Variants in SMTN observed in about 807,000 individuals in gnomAD.
SMTN encodes the protein smoothelin.
A neutral mutation model predicts 102.0 loss-of-function variants in SMTN; 58 were observed. The ratio of observed to expected loss-of-function variants is 0.57; its 90% CI spans 0.46 to 0.71. The LOEUF (loss-of-function observed/expected upper bound fraction) is 0.71. Among genes scored for constraint, SMTN ranks in the 30% least tolerant of loss-of-function variants. SMTN has a pLI of 0.00. For missense variants in SMTN, 1,185 were observed against 1,241.7 expected, an observed-to-expected ratio of 0.95 and a Z score of 0.69; for synonymous variants, 478 against 497.9, an observed-to-expected ratio of 0.96 and a Z score of 0.53.
chr22:31,082,698 A>C, intron 1 of SMTN: 1 of 639,794 alleles, frequency 1.6e-6, no homozygotes. Context: ...ACCTGGGGGA[A>C]TGACAGTGGT....
chr22:31,091,448 C>A lies in SMTN; in HGVS notation c.1425C>A (p.Gly475=), dbSNP rs1190623130. The A allele has an allele frequency of 2.6e-6, 4 of 1,530,496 alleles. No homozygotes were observed. In the African/African-American group the frequency reaches 4.1e-5, roughly 16 times the overall value. The allele number at this position is 1,530,496 out of a possible 1,614,324, so 94.8% of individuals were successfully genotyped here. The part of the protein sequence containing the change: ...IKDGRGQAST[G]RVLLPTGNQR... ...ACGGCCGTGGCCAGGCCTCCACAGG[C>A]CGGGTGCTGCTGCCCACAGGCAACC... The change falls in exon 10 of 21, where the codon GGC becomes GGA. Residue 475 remains glycine, a synonymous_variant. Transcript: ENST00000333137.
chr22:31,069,844 C>CTG (rs1353729550), intron 1 of SMTN, among the ~76,000 whole-genome samples: 2 of 152,304 alleles, frequency 1.3e-5, no homozygotes, highest in South Asian at 4.1e-4. Flanking sequence ...CCTATAATTG[C>CTG]TGTGTGAACT....
rs1003605915 is a variant in SMTN at position 31,095,788 on chromosome 22, G to A, written c.1861+179G>A. 2 of 609,344 alleles carry A rather than the reference G, an allele frequency of 3.3e-6. No individual in the cohort carries two copies. Among genetic ancestry groups the A allele is most frequent in the Non-Finnish European group, 5.8e-6 (2 of 346,384 alleles). The allele number at this position is 609,344 out of a possible 1,614,324, so 37.7% of individuals were successfully genotyped here. A position where few individuals can be genotyped will look rare whatever the true frequency, so the allele number is the denominator to read the frequency against. On this transcript the variant is annotated intron_variant, in intron 13 of 20. Coordinates refer to ENST00000333137, the MANE Select transcript of SMTN (RefSeq NM_134269.3). This position sits in a 1 kb window ranked among gnomAD's most constrained non-coding sequence, Gnocchi z 4.1. ...GCTGGATCCAGCTGCTCCTTCCCTA[G>A]CTCCTTCTCTCCCGCTGGTGACCCC...
intron 11 of SMTN, chr22:31,093,901 G>A: frequency 6.8e-7 from 1 of 1,479,454 alleles, no homozygotes; most frequent in Non-Finnish European, 9.0e-7. Context: ...GTTGGTGGGA[G>A]GGGTAGTTTT....
rs2042077423 is a variant in SMTN at position 31,074,318 on chromosome 22, T to C, written c.-385-6132T>C. On this transcript the variant is annotated intron_variant, in intron 1 of 3. Transcript: ENST00000422839. ...CACCTGAGCCCAGACAGGTCAAGGC[T>C]GTAGTGTGCCATGATCGCACCACTG... Among the ~76,000 whole-genome samples, 2 of 151,860 alleles carry C rather than the reference T, an allele frequency of 1.3e-5. 1 individual carries two copies. Among genetic ancestry groups the C allele is most frequent in the South Asian group, 4.2e-4 (2 of 4,818 alleles).
At chr22:31,082,720 G>A in intron 1 of SMTN, 2 of 709,514 alleles carry the variant, frequency 2.8e-6, no homozygotes, top group Admixed American at 2.6e-5. Flanking sequence ...GTGGCAGCAA[G>A]AACTACGGGT....
chr22:31,088,760 G>A lies in SMTN; in HGVS notation c.356G>A (p.Arg119Gln), dbSNP rs367752206. 30 of 1,612,642 alleles carry A rather than the reference G, an allele frequency of 1.9e-5. No homozygotes were observed. The South Asian group carries it at 2.5e-4, about 14-fold the overall frequency. Reference protein sequence around the residue: ...KLIRAAIRRVRAQEIEAATLA... With the variant: ...KLIRAAIRRVQAQEIEAATLA... ...ATCCGAGCTGCCATCCGCCGTGTAC[G>A]GGCTCAGGAGATTGAGGGTATGTGG... Residue 119 changes from arginine to glutamine, a missense_variant, in exon 5 of 21, where the codon CGG (arginine) becomes CAG (glutamine). Physicochemically the swap from Arg to Gln is conservative, Grantham distance 43. Around this residue, in one of 2 missense-constraint regions of SMTN, gnomAD observed 1,096 missense variants for 1,112.7 expected, o/e 0.98. Transcript: ENST00000333137.
chr22:31,077,752 GC>G (rs1250783313), upstream of SMTN, among the ~76,000 whole-genome samples: 3 of 152,320 alleles, frequency 2.0e-5, no homozygotes, highest in East Asian at 5.8e-4. Context: ...GGCATCTGAG[GC>G]CCCTTCTCCT....
chr22:31,089,831 C>A lies in SMTN; in HGVS notation c.604C>A (p.Pro202Thr), dbSNP rs774050708. 2 of 1,613,696 alleles carry A rather than the reference C, an allele frequency of 1.2e-6. No individual in the cohort carries two copies. The highest frequency in any genetic ancestry group is 1.3e-5 in the African/African-American group (1 of 74,896). Residue 202 changes from proline to threonine, a missense_variant, in exon 7 of 21, where the codon CCT (proline) becomes ACT (threonine). Coordinates refer to ENST00000333137, the MANE Select transcript of SMTN (RefSeq NM_134269.3). ...RAPPGSTSSS[P>T]ASPSSSPTPA... is the part of the protein sequence containing the mutation. Reference sequence around the variant, plus strand: ...CCCACCTGGGAGCACATCCAGCTCACCTGCCTCACCCAGCAGTTCACCCAC... The same window carrying A: ...CCCACCTGGGAGCACATCCAGCTCAACTGCCTCACCCAGCAGTTCACCCAC...
intron 2 of SMTN, chr22:31,085,212 CT>C (rs1191373375): frequency 6.5e-7 from 1 of 1,535,130 alleles, no homozygotes; most frequent in Non-Finnish European, 8.7e-7. Context: ...GGTTTCTTCC[CT>C]TTAGATCCGG....
chr22:31,093,174 A>G (rs1376830094), intron 11 of SMTN, among the ~76,000 whole-genome samples: 11 of 152,348 alleles, frequency 7.2e-5, no homozygotes, highest in Middle Eastern at 3.4e-3. Flanking sequence ...CTGCAGGCCT[A>G]TGATTTCTGT....
intron 2 of SMTN, chr22:31,085,019 CG>C (rs1268153805): frequency 2.0e-6 from 3 of 1,497,556 alleles, no homozygotes; most frequent in Non-Finnish European, 2.7e-6. Context: ...TTTGGGGACG[CG>C]GGCAGTCGCT....
At position 31,099,748 on chromosome 22, in the gene SMTN, G is replaced by A. The variant is rs748822004; in HGVS notation, c.2455G>A (p.Val819Ile). ...CCAGTCCTCCTACGGCTTATAGCAC[G>A]TCGACATCCAGAACTTCTCCTCCAG... The part of the protein sequence containing the change: ...CRAKTRGYEH[V>I]DIQNFSSSWS... Residue 819 changes from valine (V) to isoleucine (I), a missense_variant, in exon 19 of 21, where the codon GTC becomes ATC. Val to Ile is a conservative substitution (Grantham distance 29). This residue lies in a region of SMTN where 89 missense variants were observed against 128.9 expected (regional missense o/e 0.69). Transcript: ENST00000333137. The A allele has an allele frequency of 9.3e-6, 15 of 1,613,800 alleles. No individual in the cohort carries two copies. Among genetic ancestry groups the A allele is most frequent in the African/African-American group, 5.3e-5 (4 of 74,920 alleles).
chr22:31,103,812 T>TGAGA (rs1210285167), intron 20 of SMTN: 1 of 155,908 alleles, frequency 6.4e-6, no homozygotes, highest in Admixed American at 6.2e-5. Context: ...CCTGGGCCTC[T>TGAGA]CAACAGGAAG....
intron 19 of SMTN, 129 bp from the exon 20 acceptor site, chr22:31,100,756 G>T (rs891834914): frequency 8.1e-6 from 5 of 614,842 alleles, no homozygotes; most frequent in South Asian, 5.6e-5. Context: ...CTCTGTGTGT[G>T]TGTGTGTATG....
At position 31,096,910 on chromosome 22, in the gene SMTN, A is replaced by G. The variant is rs1306571530; in HGVS notation, c.2026+13A>G. ...CTCGTCCACTCCAGTAAGGGGCCAA[A>G]TGGGGCCGGCCCAGGGCTCAGGGTG... is the stretch of plus-strand genomic sequence containing the variant. On this transcript the variant is annotated intron_variant, in intron 14 of 20. Transcript: ENST00000333137. 2 of 1,605,194 alleles carry G rather than the reference A, an allele frequency of 1.2e-6. No individual in the cohort carries two copies. The highest frequency in any genetic ancestry group is 2.2e-5 in the South Asian group (2 of 90,212).
chr22:31,104,186 A>G, intron 20 of SMTN, 130 bp from the exon 21 acceptor site: 1 of 1,079,572 alleles, frequency 9.3e-7, no homozygotes, highest in Non-Finnish European at 1.3e-6. Context: ...CCTTCCTGGA[A>G]GGCTTTTCCC....
intron 19 of SMTN, among the ~76,000 whole-genome samples, chr22:31,100,180 C>A (rs912534682): frequency 4.6e-5 from 7 of 152,090 alleles, no homozygotes; most frequent in Admixed American, 1.3e-4. Flanking sequence ...CCCTCTGCCC[C>A]CTTCTCCCTC....
At chr22:31,092,540 T>C (rs2043216571) in intron 11 of SMTN, 1 of 471,120 alleles carries the variant, frequency 2.1e-6, no homozygotes, top group African/African-American at 2.0e-5. Context: ...GGTAATGCCC[T>C]CTGTGCTAAA....
Sources: allele counts gnomAD v4.1 joint callset (sites outside exome capture counted in the v4.1 genomes callset), GRCh38; gene constraint gnomAD v4.1.1; regional missense constraint gnomAD v4.1.1; non-coding constraint Gnocchi (gnomAD v3.1); transcripts MANE v1.5; gene names NCBI Gene and HGNC (gene_info 2026-07-23, HGNC 2026-07-21).